The following MGAT4C variants were observed in gnomAD, a reference collection of about 807,000 sequenced individuals.
MGAT4C encodes the protein MGAT4 family member C.
In MGAT4C, 19 loss-of-function variants were observed where a neutral mutation model predicts 40.1. That is an observed-to-expected ratio of 0.47 (90% CI 0.33 to 0.70). The LOEUF is 0.70. MGAT4C is among the 30% of genes least tolerant of loss of function. MGAT4C has a pLI of 0.02. For synonymous variants in MGAT4C, 181 were observed against 187.1 expected (o/e 0.97, Z 0.27); for missense variants, 491 against 563.2 (o/e 0.87, Z 1.30).
chr12:86,013,694 A>G (rs1888751517), intron 2 of MGAT4C: 1 of 982,126 alleles, frequency 1.0e-6, no homozygotes, highest in Non-Finnish European at 1.2e-6. Context: ...AATTTTACCT[A>G]CTGTTTACAA....
chr12:86,130,190 A>C (rs1172573345), intron 1 of MGAT4C, among the ~76,000 whole-genome samples: 1 of 152,218 alleles, frequency 6.6e-6, no homozygotes, highest in Non-Finnish European at 1.5e-5. Context: ...TTCATCAAAA[A>C]TATAAACATT....
intron 2 of MGAT4C, among the ~76,000 whole-genome samples, chr12:86,487,203 G>C (rs183313344): frequency 6.6e-6 from 1 of 152,252 alleles, no homozygotes; most frequent in East Asian, 1.9e-4. Context: ...CTGTGAAAGA[G>C]ATCTATTAAT....
intron 4 of MGAT4C, among the ~76,000 whole-genome samples, chr12:86,272,192 C>A (rs1422842636): frequency 6.6e-6 from 1 of 152,082 alleles, no homozygotes; most frequent in African/African-American, 2.4e-5. Context: ...CACAATTTCC[C>A]ACATATCCCA....
chr12:86,792,674 G>A (rs1174376318), intron 1 of MGAT4C, among the ~76,000 whole-genome samples: 1 of 152,150 alleles, frequency 6.6e-6, no homozygotes, highest in Admixed American at 6.6e-5. Context: ...GCTCACACCT[G>A]TAATCCCAGC....
chr12:86,577,999 G>C (rs1960629888), intron 2 of MGAT4C, among the ~76,000 whole-genome samples: 2 of 151,670 alleles, frequency 1.3e-5, no homozygotes, highest in East Asian at 3.9e-4. Context: ...GGCATATTGA[G>C]TACCTTTTGA....
At chr12:86,404,839 T>A (rs1412325702) in intron 3 of MGAT4C, among the ~76,000 whole-genome samples, 1 of 152,138 alleles carries the variant, frequency 6.6e-6, no homozygotes, top group African/African-American at 2.4e-5. Context: ...AAATAGATAC[T>A]TTCTCTTAGT....
In MGAT4C at chr12:85,975,695, G is replaced by T. The variant is rs1883924038; in HGVS notation, c.*3594C>A. ...GAAAGTTTGGGATCATGAATCAAAA[G>T]AAACAGGATAAAATTATCCTAAAAT... On this transcript the variant is annotated 3_prime_UTR_variant, in exon 5 of 5. Transcript: ENST00000611864. 1 of 150,814 alleles carries T rather than the reference G, an allele frequency of 6.6e-6. No individual in the cohort carries two copies. The allele number at this position is 150,814 out of a possible 1,614,324, so 9.3% of individuals were successfully genotyped here. A position where few individuals can be genotyped will look rare whatever the true frequency, so the allele number is the denominator to read the frequency against.
chr12:86,633,466 AG>A (rs1173663838), intron 2 of MGAT4C, among the ~76,000 whole-genome samples: 1 of 152,110 alleles, frequency 6.6e-6, no homozygotes, highest in Admixed American at 6.6e-5. Flanking sequence ...CATACTTTGC[AG>A]GCCATAGTAA....
chr12:86,652,656 A>G (rs1203104988), intron 2 of MGAT4C, among the ~76,000 whole-genome samples: 4 of 151,938 alleles, frequency 2.6e-5, no homozygotes, highest in African/African-American at 9.7e-5. Flanking sequence ...GACAGCTTAA[A>G]CAATGGTCAA....
At chr12:86,689,439 T>G (rs1036967702) in intron 2 of MGAT4C, among the ~76,000 whole-genome samples, 3 of 152,170 alleles carry the variant, frequency 2.0e-5, no homozygotes, top group Non-Finnish European at 4.4e-5. Context: ...TTTCCTCATC[T>G]ATGTTTATTT....
intron 2 of MGAT4C, among the ~76,000 whole-genome samples, chr12:86,704,700 T>A (rs1433238176): frequency 6.6e-6 from 1 of 152,096 alleles, no homozygotes; most frequent in Non-Finnish European, 1.5e-5. Flanking sequence ...GTAAACATGA[T>A]TGGCAACATG....
In MGAT4C at chr12:86,057,285, T is replaced by C. The variant is rs911421025; in HGVS notation, c.-56-7562A>G. On this transcript the variant is annotated intron_variant, in intron 1 of 4. Coordinates refer to ENST00000611864, the MANE Select transcript of MGAT4C (RefSeq NM_001351288.2). ...CTCAAATTCCTGGGCTGTTATAGTA[T>C]CTACCGTTTTGGTCTTTTCAGTACA... Among the ~76,000 whole-genome samples, 11 of 152,274 alleles carry C rather than the reference T, an allele frequency of 7.2e-5. No individual in the cohort carries two copies. In the East Asian group the frequency reaches 2.1e-3, roughly 29 times the overall value.
chr12:86,593,367 T>G (rs1177037046), intron 2 of MGAT4C, among the ~76,000 whole-genome samples: 1 of 152,148 alleles, frequency 6.6e-6, no homozygotes, highest in Non-Finnish European at 1.5e-5. Context: ...CCATTGTCTA[T>G]TTCATTAATT....
intron 2 of MGAT4C, among the ~76,000 whole-genome samples, chr12:86,595,899 A>T (rs907161494): frequency 6.6e-6 from 1 of 151,884 alleles, no homozygotes; most frequent in African/African-American, 2.4e-5. Flanking sequence ...CATGAACTCC[A>T]GTATCACCAC....
At chr12:86,383,887 G>C (rs1956002254) in intron 3 of MGAT4C, among the ~76,000 whole-genome samples, 1 of 152,150 alleles carries the variant, frequency 6.6e-6, no homozygotes, top group Non-Finnish European at 1.5e-5. Context: ...GAGGGGCCAG[G>C]GGCAGAATGA....
At chr12:86,660,537 C>G (rs1295960340) in intron 2 of MGAT4C, among the ~76,000 whole-genome samples, 4 of 152,014 alleles carry the variant, frequency 2.6e-5, no homozygotes, top group African/African-American at 9.7e-5. Flanking sequence ...ACCTGGGATA[C>G]AGATTTTTAA....
chr12:86,749,936 C>A (rs374878842), intron 1 of MGAT4C, among the ~76,000 whole-genome samples: 9 of 151,714 alleles, frequency 5.9e-5, no homozygotes, highest in Admixed American at 2.0e-4. Flanking sequence ...ATTATAGGAG[C>A]AACTTTGGTC....
chr12:86,144,391 G>C (rs1198394718), intron 1 of MGAT4C, among the ~76,000 whole-genome samples: 2 of 152,012 alleles, frequency 1.3e-5, no homozygotes, highest in Admixed American at 6.6e-5. Flanking sequence ...CTCGAGTACA[G>C]GTCTTATCTC....
intron 1 of MGAT4C, among the ~76,000 whole-genome samples, chr12:86,078,474 C>A (rs1026947358): frequency 1.3e-5 from 2 of 152,196 alleles, no homozygotes; most frequent in Admixed American, 1.3e-4. Context: ...GCAGGATAGG[C>A]AAACCTATAT....
Sources: gnomAD v4.1 joint callset for allele counts (sites outside exome capture counted in the v4.1 genomes callset) on GRCh38, gnomAD v4.1.1 for gene constraint, MANE v1.5 for transcripts, NCBI Gene and HGNC (gene_info 2026-07-23, HGNC 2026-07-21) for gene names.